AMPD3: variants seen among roughly 807,000 people sequenced by gnomAD.
The protein encoded by AMPD3 is AMP deaminase 3.
Under a neutral mutation model 82.3 loss-of-function variants are expected in AMPD3, and 57 were observed. That is an observed-to-expected ratio of 0.69 (90% CI 0.56 to 0.86). The LOEUF (loss-of-function observed/expected upper bound fraction) is 0.86. AMPD3 is among the 40% of genes least tolerant of loss of function. The pLI, the probability that AMPD3 is intolerant of heterozygous loss-of-function variation, is 0.00. For missense variants in AMPD3, 870 were observed against 1,003.8 expected (o/e 0.87, Z 1.80); for synonymous variants, 381 against 394.7 (o/e 0.97, Z 0.41).
chr11:10,455,827 G>A (rs1848076388), intron 1 of AMPD3: 3 of 880,206 alleles, frequency 3.4e-6, no homozygotes, highest in Non-Finnish European at 4.1e-6. Flanking sequence ...GCTGCTTTAG[G>A]GGGGCTTTCT....
At chr11:10,468,391 C>G (rs1205919017) in intron 2 of AMPD3, among the ~76,000 whole-genome samples, 1 of 149,822 alleles carries the variant, frequency 6.7e-6, no homozygotes, top group Non-Finnish European at 1.5e-5. Context: ...ATAAAACAGA[C>G]TTTAAACCAA....
chr11:10,461,136 C>T lies in AMPD3; in HGVS notation c.-5-379C>T, dbSNP rs181713235. ...ATTATTGTTGCAGCTATAACAGTAT[C>T]CTCATAGTCTGGAGGAGGGAGAGCT... On this transcript the variant is annotated intron_variant, in intron 1 of 14. Transcript: ENST00000396553. 2.5e-4 allele frequency: 299 copies of T among 1,198,160 alleles called. 2 individuals carry two copies. Among genetic ancestry groups the T allele is most frequent in the Non-Finnish European group, 3.4e-5 (32 of 949,246 alleles). 74.2% of individuals were successfully genotyped at this position (1,198,160 alleles called of 1,614,324 possible).
chr11:10,495,481 G>T, intron 8 of AMPD3, 89 bp from the exon 9 acceptor site: 1 of 1,605,210 alleles, frequency 6.2e-7, no homozygotes, highest in South Asian at 1.1e-5. Context: ...GTGGCTGGGG[G>T]AGCAACAGGA....
Position 10,500,297 on chromosome 11 carries a change from A to C in AMPD3, c.1721+48A>C, listed in dbSNP as rs759724792. The C allele has an allele frequency of 6.3e-6, 10 of 1,596,286 alleles. No individual in the cohort carries two copies. The Admixed American group carries it at 1.5e-4, about 24-fold the overall frequency. The stretch of plus-strand genomic sequence containing the variant: ...CATGCTTGGGTTCATGTGTTAGTAC[A>C]TGCACGCATGCACACACATGCACAC... On this transcript the variant is annotated intron_variant, in intron 11 of 14. Transcript: ENST00000396553.
intron 3 of AMPD3, chr11:10,481,735 A>G: frequency 2.5e-6 from 1 of 402,430 alleles, no homozygotes; most frequent in South Asian, 2.2e-5. Context: ...TCACATTGTG[A>G]CAGCACATGT....
intron 2 of AMPD3, among the ~76,000 whole-genome samples, chr11:10,475,897 C>T (rs1010812161): frequency 1.2e-4 from 19 of 152,098 alleles, no homozygotes; most frequent in Non-Finnish European, 2.6e-4. Context: ...TGCCAACAAC[C>T]GGAATGAACT....
chr11:10,489,120 C>T (rs750985710), intron 6 of AMPD3, among the ~76,000 whole-genome samples: 3 of 152,160 alleles, frequency 2.0e-5, no homozygotes, highest in Non-Finnish European at 4.4e-5. Context: ...ACGTGGGCAC[C>T]CTGGCATTTT....
chr11:10,455,356 G>T lies in AMPD3; in HGVS notation c.-98G>T. 1.0e-6 allele frequency: 1 copy of T among 985,390 alleles called. No homozygotes were observed. The allele number at this position is 985,390 out of a possible 1,614,324, so 61.0% of individuals were successfully genotyped here. On this transcript the variant is annotated 5_prime_UTR_variant, in exon 1 of 15. Transcript: ENST00000396553. ...TGGTTTTAGAGGATTGCTCCTGTGG[G>T]TCACTTGAGGCAGGCTCCACCTTCC... is the stretch of plus-strand genomic sequence containing the variant.
At chr11:10,450,563 G>T, upstream of AMPD3, 1 of 986,966 alleles carries the variant, frequency 1.0e-6, no homozygotes, top group Non-Finnish European at 1.2e-6. Context: ...GGCGGGGCCA[G>T]CGCAGTTGAG....
chr11:10,496,683 G>T (rs1194213732), intron 9 of AMPD3, 129 bp from the exon 10 acceptor site: 18 of 1,522,128 alleles, frequency 1.2e-5, no homozygotes, highest in Non-Finnish European at 1.6e-5. Context: ...CTGTTTTCTG[G>T]TCCCATCTGA....
At chr11:10,451,064 G>A (rs1191023240), upstream of AMPD3, 2 of 1,570,336 alleles carry the variant, frequency 1.3e-6, no homozygotes, top group Non-Finnish European at 1.7e-6. Flanking sequence ...GCGAGGCTGC[G>A]CTGCTGACCT....
chr11:10,488,660 G>A (rs1196929106), intron 6 of AMPD3, among the ~76,000 whole-genome samples: 1 of 152,180 alleles, frequency 6.6e-6, no homozygotes, highest in East Asian at 1.9e-4. Flanking sequence ...GGGTGTGGTG[G>A]CGAGCTGGGA....
Position 10,500,103 on chromosome 11 carries a change from C to A in AMPD3, c.1575C>A (p.Ser525Arg). 1 of 1,614,146 alleles carries A rather than the reference C, an allele frequency of 6.2e-7. No individual in the cohort carries two copies. The highest frequency in any genetic ancestry group is 8.5e-7 in the Non-Finnish European group (1 of 1,180,022). ...LFLKYVTGFD[S>R]VDDESKHSDH... is the part of the protein sequence containing the mutation. The stretch of plus-strand genomic sequence containing the variant: ...CTGCCCAGGTGACGGGGTTTGACAG[C>A]GTGGATGATGAGTCCAAGCACAGCG... Residue 525 changes from serine (S) to arginine (R), a missense_variant, in exon 11 of 15, where the codon AGC (serine) becomes AGA (arginine). Coordinates refer to ENST00000396553, the MANE Select transcript of AMPD3 (RefSeq NM_001025389.2).
At chr11:10,453,122 G>C (rs992827780), upstream of AMPD3, among the ~76,000 whole-genome samples, 2 of 152,154 alleles carry the variant, frequency 1.3e-5, no homozygotes, top group Non-Finnish European at 2.9e-5. Context: ...GCTAATTTTT[G>C]TGTTTTTAGT....
intron 11 of AMPD3, chr11:10,500,796 G>A (rs10437597): frequency 0.39 from 386,903 of 985,110 alleles, 78,042 homozygotes; most frequent in East Asian, 0.67. Flanking sequence ...CTACCAATAC[G>A]CACACAGACG....
intron 2 of AMPD3, among the ~76,000 whole-genome samples, chr11:10,467,088 A>C (rs562609813): frequency 6.6e-6 from 1 of 152,364 alleles, no homozygotes; most frequent in Admixed American, 6.5e-5. Flanking sequence ...TGAAAATTCC[A>C]AAAACCAGAA....
At chr11:10,482,587 C>T (rs1168976488) in intron 4 of AMPD3, among the ~76,000 whole-genome samples, 4 of 152,012 alleles carry the variant, frequency 2.6e-5, no homozygotes, top group African/African-American at 7.3e-5. Flanking sequence ...TCATGGCTCA[C>T]TGCAGCCTCA....
intron 1 of AMPD3, among the ~76,000 whole-genome samples, chr11:10,460,065 T>TAA (rs1564838195): frequency 4.9e-5 from 7 of 143,630 alleles, no homozygotes; most frequent in East Asian, 3.9e-4. Context: ...ATAATATATA[T>TAA]TATATATAAT....
intron 2 of AMPD3, among the ~76,000 whole-genome samples, chr11:10,472,506 T>A (rs1245972055): frequency 1.3e-5 from 2 of 152,192 alleles, no homozygotes; most frequent in Non-Finnish European, 2.9e-5. Context: ...TTTGGCTATC[T>A]AGGACAGCCG....
Sources: allele counts gnomAD v4.1 joint callset (sites outside exome capture counted in the v4.1 genomes callset), GRCh38; gene constraint gnomAD v4.1.1; transcripts MANE v1.5; gene names NCBI Gene and HGNC (gene_info 2026-07-23, HGNC 2026-07-21).